The following EEIG1 variants were observed in gnomAD, a reference collection of about 807,000 sequenced individuals.
EEIG1 encodes early estrogen-induced gene 1 protein.
the EEIG1 span, among the ~76,000 whole-genome samples, chr9:127,971,933 G>A: frequency 3.9e-5 from 6 of 152,180 alleles, no homozygotes; most frequent in African/African-American, 1.2e-4. Flanking sequence ...CCAGAAGGGC[G>A]AGGAGCAGTG....
the EEIG1 span, chr9:127,953,461 G>T: frequency 2.3e-6 from 2 of 855,790 alleles, no homozygotes; most frequent in Non-Finnish European, 3.9e-6. Context: ...ACACATCTCA[G>T]GTAGGGCTGA....
At chr9:127,941,712 C>T in the EEIG1 span, 1 of 152,184 alleles carries the variant, frequency 6.6e-6, no homozygotes. Flanking sequence ...CTGCACCCCT[C>T]CCAGAGAGAG....
At chr9:127,945,408 CG>C in the EEIG1 span, 1 of 1,581,916 alleles carries the variant, frequency 6.3e-7, no homozygotes, top group Non-Finnish European at 8.6e-7. The surrounding 1 kb of genome is among the most constrained non-coding windows in gnomAD (Gnocchi z 6.5). Context: ...GGGGTGGCCG[CG>C]GCGGCTTCTC....
the EEIG1 span, chr9:127,953,976 G>A: frequency 6.2e-7 from 1 of 1,607,184 alleles, no homozygotes; most frequent in Admixed American, 1.7e-5. Context: ...CCGCGCCAGG[G>A]GACTCCATGT....
the EEIG1 span, chr9:127,953,707 G>A: frequency 3.1e-6 from 5 of 1,606,950 alleles, no homozygotes; most frequent in Non-Finnish European, 4.3e-6. Flanking sequence ...AGGGCAACGG[G>A]CAGAGCAACT....
chr9:127,962,052 G>A, the EEIG1 span, among the ~76,000 whole-genome samples: 2 of 152,222 alleles, frequency 1.3e-5, no homozygotes, highest in African/African-American at 4.8e-5. Context: ...TGCTCCGATG[G>A]CACCCAGCAG....
the EEIG1 span, chr9:127,948,376 G>A: frequency 6.2e-7 from 1 of 1,614,132 alleles, no homozygotes; most frequent in South Asian, 1.1e-5. Flanking sequence ...ACGTCTTGAA[G>A]CAGGGATCTC....
chr9:127,961,193 A>G, the EEIG1 span, among the ~76,000 whole-genome samples: 1 of 152,206 alleles, frequency 6.6e-6, no homozygotes, highest in African/African-American at 2.4e-5. Context: ...CAGCTGGGAC[A>G]CAGCTATGCA....
the EEIG1 span, among the ~76,000 whole-genome samples, chr9:127,954,349 C>T: frequency 6.6e-6 from 1 of 152,228 alleles, no homozygotes; most frequent in East Asian, 1.9e-4. Flanking sequence ...CTACTCAGCC[C>T]ATTTCAAAGA....
the EEIG1 span, among the ~76,000 whole-genome samples, chr9:127,966,644 C>T: frequency 2.8e-3 from 427 of 152,334 alleles, 3 homozygotes; most frequent in African/African-American, 9.7e-3. Context: ...GCCCAAGAGG[C>T]GAGCAGGCCA....
At chr9:127,971,490 A>C in the EEIG1 span, among the ~76,000 whole-genome samples, 4 of 123,192 alleles carry the variant, frequency 3.2e-5, no homozygotes. Context: ...CCCGTATGCA[A>C]GTGAGGGCTG....
chr9:127,979,954 A>T, the EEIG1 span: 1 of 1,591,104 alleles, frequency 6.3e-7, no homozygotes, highest in Non-Finnish European at 8.5e-7. Flanking sequence ...CTCGCTCATC[A>T]CCCCCGCTGC....
the EEIG1 span, among the ~76,000 whole-genome samples, chr9:127,956,076 A>C: frequency 2.0e-5 from 3 of 152,220 alleles, no homozygotes; most frequent in African/African-American, 7.2e-5. Context: ...TCAGGGCTGA[A>C]GACGGGAGGA....
At chr9:127,945,892 C>T in the EEIG1 span, 1 of 641,452 alleles carries the variant, frequency 1.6e-6, no homozygotes. This position sits in a 1 kb window ranked among gnomAD's most constrained non-coding sequence, Gnocchi z 6.5. Flanking sequence ...TTCAGAGGAG[C>T]AGCAACCAGC....
chr9:127,945,076 G>A, the EEIG1 span, among the ~76,000 whole-genome samples: 1 of 152,144 alleles, frequency 6.6e-6, no homozygotes. The surrounding 1 kb of genome is among the most constrained non-coding windows in gnomAD (Gnocchi z 6.5). Flanking sequence ...ATCATGAGCC[G>A]ATTTTATAGA....
the EEIG1 span, among the ~76,000 whole-genome samples, chr9:127,978,260 C>T: frequency 3.3e-5 from 5 of 152,220 alleles, no homozygotes; most frequent in African/African-American, 4.8e-5. Flanking sequence ...GAGTGTTTGA[C>T]CTCTGGATTC....
At chr9:127,975,149 A>G in the EEIG1 span, among the ~76,000 whole-genome samples, 1 of 152,210 alleles carries the variant, frequency 6.6e-6, no homozygotes, top group South Asian at 2.1e-4. Flanking sequence ...GAGTGTGAGG[A>G]AAGACCCGGC....
chr9:127,953,072 G>A, the EEIG1 span, among the ~76,000 whole-genome samples: 1 of 152,144 alleles, frequency 6.6e-6, no homozygotes, highest in Non-Finnish European at 1.5e-5. Flanking sequence ...GAAGGTTGCA[G>A]TGAGCGAAGA....
the EEIG1 span, among the ~76,000 whole-genome samples, chr9:127,979,773 G>A: frequency 4.6e-5 from 7 of 152,234 alleles, no homozygotes; most frequent in African/African-American, 1.4e-4. Context: ...GGCCCCAAGA[G>A]AAGGCTGAAA....
Sources: gnomAD v4.1 joint callset for allele counts (sites outside exome capture counted in the v4.1 genomes callset) on GRCh38, gnomAD v4.1.1 for gene constraint, Gnocchi (gnomAD v3.1) non-coding constraint, MANE v1.5 for transcripts, NCBI Gene and HGNC (gene_info 2026-07-23, HGNC 2026-07-21) for gene names.